The following EXPH5 variants were observed in gnomAD, a reference collection of about 807,000 sequenced individuals.
EXPH5 encodes exophilin-5.
Under a neutral mutation model 41.1 loss-of-function variants are expected in EXPH5, and 42 were observed. That is an observed-to-expected ratio of 1.02 (90% confidence interval 0.80 to 1.32). The LOEUF is 1.32. Among genes scored for constraint, EXPH5 ranks in the 40% most tolerant of loss-of-function variants. The pLI is 0.00. For missense variants in EXPH5, 2,298 were observed against 2,314.5 expected (o/e 0.99, Z 0.15); for synonymous variants, 798 against 833.5 (o/e 0.96, Z 0.73).
chr11:108,533,455 G>A (rs868298635), intron 3 of EXPH5, among the ~76,000 whole-genome samples: 5 of 152,154 alleles, frequency 3.3e-5, no homozygotes, highest in Middle Eastern at 3.4e-3. Context: ...CACCTGCCTC[G>A]GCTTCCCAAA....
intron 1 of EXPH5, among the ~76,000 whole-genome samples, chr11:108,557,885 C>G (rs1416682128): frequency 6.6e-6 from 1 of 152,144 alleles, no homozygotes; most frequent in Non-Finnish European, 1.5e-5. Context: ...ACCTGCATTT[C>G]TTCACCCACA....
intron 3 of EXPH5, among the ~76,000 whole-genome samples, chr11:108,538,722 C>G (rs1305845449): frequency 6.6e-6 from 1 of 152,138 alleles, no homozygotes. Flanking sequence ...AGGACATAGG[C>G]CAGACTCTTG....
In EXPH5 at chr11:108,528,189, G is replaced by C. The variant is rs759385289; in HGVS notation, c.444-5C>G. ...GGTCCTGCATGGCCATCACATCTGT[G>C]GAAATAATTTGAAATGATTTCTTTG... On this transcript the variant is annotated splice_region_variant and splice_polypyrimidine_tract_variant and intron_variant, in intron 3 of 5. Transcript: ENST00000265843. The C allele has an allele frequency of 6.2e-6, 10 of 1,606,562 alleles. No individual in the cohort carries two copies. The highest frequency in any genetic ancestry group is 3.3e-5 in the Admixed American group (2 of 59,882).
At position 108,512,513 on chromosome 11, in the gene EXPH5, A is replaced by C; in HGVS notation, c.2994T>G (p.Asp998Glu). ...KTESISVPTSDHRSLIEANQS... is the reference protein window; with the variant it reads ...KTESISVPTSEHRSLIEANQS... ...GATTTGCTTCAATGAGGCTCCTGTG[A>C]TCACTGGTGGGTACTGATATACTTT... Residue 998 changes from aspartate (D) to glutamate (E), a missense_variant, in exon 6 of 6, where the codon GAT becomes GAG. Asp to Glu is a conservative substitution (Grantham distance 45). Transcript: ENST00000265843. The C allele has an allele frequency of 6.2e-7, 1 of 1,614,022 alleles. No homozygotes were observed. The highest frequency in any genetic ancestry group is 8.5e-7 in the Non-Finnish European group (1 of 1,179,978).
chr11:108,530,196 A>C (rs184522652), intron 3 of EXPH5, among the ~76,000 whole-genome samples: 160 of 152,312 alleles, frequency 1.1e-3, no homozygotes, highest in African/African-American at 3.3e-3. Context: ...CTAGGAGTTA[A>C]ATACTGCTTT....
intron 3 of EXPH5, among the ~76,000 whole-genome samples, chr11:108,528,713 T>C (rs1174851905): frequency 1.4e-5 from 2 of 148,112 alleles, no homozygotes; most frequent in Non-Finnish European, 3.0e-5. Context: ...TTTTTTTTTT[T>C]TTTTTGAGAT....
At chr11:108,548,108 T>TG (rs1565814729) in intron 1 of EXPH5, among the ~76,000 whole-genome samples, 10 of 46,424 alleles carry the variant, frequency 2.2e-4, no homozygotes, top group African/African-American at 5.4e-4. Context: ...CACTTCATCT[T>TG]TAAAAAAAAA....
At chr11:108,542,844 G>A (rs2136036017) in intron 1 of EXPH5, among the ~76,000 whole-genome samples, 1 of 152,122 alleles carries the variant, frequency 6.6e-6, no homozygotes, top group South Asian at 2.1e-4. Flanking sequence ...TCAGCCTCCT[G>A]AGTAGCTGGG....
chr11:108,529,416 T>C (rs2093822107), intron 3 of EXPH5, among the ~76,000 whole-genome samples: 1 of 152,190 alleles, frequency 6.6e-6, no homozygotes, highest in South Asian at 2.1e-4. Context: ...CACTGTGGCC[T>C]CGACCTCCTG....
intron 1 of EXPH5, among the ~76,000 whole-genome samples, chr11:108,579,627 C>G (rs1436074252): frequency 2.0e-5 from 3 of 151,902 alleles, no homozygotes; most frequent in African/African-American, 7.3e-5. Context: ...GAAATATAGC[C>G]ATAGAACCTG....
the EXPH5 span, among the ~76,000 whole-genome samples, chr11:108,605,076 T>C: frequency 1.3e-5 from 2 of 152,236 alleles, no homozygotes; most frequent in Non-Finnish European, 2.9e-5. Context: ...GATGGGTTCT[T>C]AGCCAACAGA....
intron 4 of EXPH5, among the ~76,000 whole-genome samples, chr11:108,525,420 T>C (rs1565792971): frequency 6.6e-6 from 1 of 152,174 alleles, no homozygotes; most frequent in Non-Finnish European, 1.5e-5. Context: ...GGCATGCTCC[T>C]AAACATCCTG....
At chr11:108,579,015 C>T (rs1251704216) in intron 1 of EXPH5, among the ~76,000 whole-genome samples, 1 of 152,108 alleles carries the variant, frequency 6.6e-6, no homozygotes, top group Non-Finnish European at 1.5e-5. Flanking sequence ...TGCCTAATTG[C>T]TCTAGCTAGG....
chr11:108,587,741 T>TTTTA (rs1450461853), intron 1 of EXPH5, among the ~76,000 whole-genome samples: 1 of 152,026 alleles, frequency 6.6e-6, no homozygotes, highest in Non-Finnish European at 1.5e-5. Context: ...AAAGAAACAG[T>TTTTA]TTTATTTATT....
At chr11:108,562,419 C>T (rs892574990) in intron 1 of EXPH5, among the ~76,000 whole-genome samples, 8 of 151,260 alleles carry the variant, frequency 5.3e-5, no homozygotes, top group African/African-American at 1.9e-4. Flanking sequence ...TGGAGAAACC[C>T]GTTCTCTACT....
chr11:108,571,602 C>T (rs557010133), intron 1 of EXPH5, among the ~76,000 whole-genome samples: 1 of 152,224 alleles, frequency 6.6e-6, no homozygotes, highest in East Asian at 1.9e-4. Flanking sequence ...CCTGGTAATG[C>T]TGAAGGGGAG....
At chr11:108,538,021 A>G (rs138381365) in intron 3 of EXPH5, 1 of 985,394 alleles carries the variant, frequency 1.0e-6, no homozygotes, top group Non-Finnish European at 1.2e-6. Context: ...ATAAATCTAC[A>G]TTGTGGTCTG....
intron 2 of EXPH5, among the ~76,000 whole-genome samples, chr11:108,539,806 C>T (rs1433163803): frequency 1.3e-4 from 20 of 152,104 alleles, no homozygotes; most frequent in Non-Finnish European, 2.9e-5. Flanking sequence ...AGAAAATGCT[C>T]ATTGAAGCCT....
upstream of EXPH5, among the ~76,000 whole-genome samples, chr11:108,597,108 C>T (rs896417511): frequency 2.0e-5 from 3 of 152,058 alleles, no homozygotes; most frequent in Non-Finnish European, 4.4e-5. Context: ...AAATCCCCAC[C>T]ACAGGGCTTA....
Sources: gnomAD v4.1 joint callset for allele counts (sites outside exome capture counted in the v4.1 genomes callset) on GRCh38, gnomAD v4.1.1 for gene constraint, MANE v1.5 for transcripts, NCBI Gene and HGNC (gene_info 2026-07-23, HGNC 2026-07-21) for gene names.